Variants in PKD1L3 observed in about 807,000 individuals in gnomAD.
PKD1L3 encodes polycystin 1 like 3, transient receptor potential channel interacting, also known as polycystin-1-like protein 3.
In PKD1L3, 239 loss-of-function variants were observed where a neutral mutation model predicts 184.1. The ratio of observed to expected loss-of-function variants is 1.30; its 90% CI spans 1.17 to 1.45. The LOEUF is 1.45. PKD1L3 is among the 40% of genes most tolerant of loss of function. PKD1L3 has a pLI of 0.00. For missense variants in PKD1L3, 2,660 were observed against 2,067.2 expected, an observed-to-expected ratio of 1.29 and a Z score of -5.56; for synonymous variants, 996 against 778.8, an observed-to-expected ratio of 1.28 and a Z score of -4.64.
At chr16:71,953,978 G>T in intron 17 of PKD1L3, 127 bp downstream of exon 17, 1 of 755,206 alleles carries the variant, frequency 1.3e-6, no homozygotes. Flanking sequence ...CACTTCAGGA[G>T]GCTGAGGCAG....
intron 2 of PKD1L3, 23 bp from the exon 3 acceptor site, chr16:71,993,355 G>C: frequency 7.0e-7 from 1 of 1,435,336 alleles, no homozygotes; most frequent in Non-Finnish European, 9.5e-7. Context: ...CAACACACAA[G>C]TTAATTTATA....
chr16:71,932,756 T>C (rs939172940), intron 28 of PKD1L3, among the ~76,000 whole-genome samples: 3 of 150,546 alleles, frequency 2.0e-5, no homozygotes, highest in East Asian at 2.0e-4. Flanking sequence ...ATTAGGATTA[T>C]AGGCATGAGC....
chr16:71,961,274 C>G (rs2039267644), intron 16 of PKD1L3, among the ~76,000 whole-genome samples: 1 of 152,068 alleles, frequency 6.6e-6, no homozygotes, highest in South Asian at 2.1e-4. Context: ...AGGCGTGCAC[C>G]ACTGCGCATG....
In PKD1L3 at chr16:71,998,317, T is replaced by C. The variant is rs1263318533; in HGVS notation, c.373A>G (p.Lys125Glu). 1.3e-6 allele frequency: 2 copies of C among 1,552,096 alleles called. No individual in the cohort carries two copies. The highest frequency in any genetic ancestry group is 2.4e-5 in the East Asian group (1 of 40,940). Reference sequence around the variant, plus strand: ...TATTTCAGTAAGCACTTGTCCCCTTTGGATGAGATCCGAATGAAGTTTCTG... The same window carrying C: ...TATTTCAGTAAGCACTTGTCCCCTTCGGATGAGATCCGAATGAAGTTTCTG... ...LSRNFIRISS[K>E]GDKCLLKYYF... The change falls in exon 2 of 30, where the codon AAA becomes GAA. Residue 125 changes from lysine to glutamate, a missense_variant. By Grantham distance (56) the Lys-to-Glu change is moderately conservative (BLOSUM62 1). Transcript: ENST00000620267.
At chr16:71,981,745 G>A (rs2040166780) in intron 7 of PKD1L3, among the ~76,000 whole-genome samples, 1 of 151,908 alleles carries the variant, frequency 6.6e-6, no homozygotes, top group East Asian at 1.9e-4. Flanking sequence ...TTCGCCATGT[G>A]GGCCAGGCTG....
rs1407979943 is a variant in PKD1L3 at position 71,963,278 on chromosome 16, C to G, written c.2539G>C (p.Ala847Pro). ...KWHFLCNCWL[A>P]VDLGDCELDR... is the part of the protein sequence containing the mutation. ...AGCTCACAGTCTCCGAGGTCCACAG[C>G]CAGCCAGCAATTGCACAGGAAATGC... Residue 847 changes from alanine (A) to proline (P), a missense_variant, in exon 16 of 30, where the codon GCT (alanine) becomes CCT (proline). Transcript: ENST00000620267. The G allele has an allele frequency of 6.4e-7, 1 of 1,551,410 alleles. No individual in the cohort carries two copies. The highest frequency in any genetic ancestry group is 8.7e-7 in the Non-Finnish European group (1 of 1,146,898).
At chr16:71,998,433 A>G (rs1782306214) in intron 1 of PKD1L3, 39 bp from the exon 2 acceptor site, 1 of 1,523,204 alleles carries the variant, frequency 6.6e-7, no homozygotes. Context: ...TCATACTCGA[A>G]AGCCAGGCTT....
intron 2 of PKD1L3, among the ~76,000 whole-genome samples, chr16:71,997,750 G>C (rs2040841602): frequency 3.5e-5 from 2 of 56,428 alleles, no homozygotes; most frequent in South Asian, 6.8e-4. Context: ...CTCAGTCTTG[G>C]AAAAATAAAT....
At chr16:71,936,523 T>TTC (rs1199673576) in intron 25 of PKD1L3, among the ~76,000 whole-genome samples, 20 of 146,168 alleles carry the variant, frequency 1.4e-4, no homozygotes, top group Middle Eastern at 3.4e-3. Flanking sequence ...TTTTTTCTTT[T>TTC]TTTTTTTTTT....
chr16:71,967,997 G>A lies in PKD1L3; in HGVS notation c.2195C>T (p.Thr732Ile), dbSNP rs747458368. 6.4e-7 allele frequency: 1 copy of A among 1,551,234 alleles called. No individual in the cohort carries two copies. Among genetic ancestry groups the A allele is most frequent in the South Asian group, 1.2e-5 (1 of 84,048 alleles). ...DQADMQKVKV[T>I]VLADNDPSAQ... ...GCTGGGGTCATTATCAGCCAGGACA[G>A]TGACCTTCACCTGCAAGAAAAGCAG... The change falls in exon 14 of 30, where the codon ACT becomes ATT. Residue 732 changes from threonine (T) to isoleucine (I), a missense_variant. Physicochemically the swap from Thr to Ile is moderately conservative, Grantham distance 89. Coordinates refer to ENST00000620267, the MANE Select transcript of PKD1L3 (RefSeq NM_181536.2).
intron 10 of PKD1L3, 35 bp downstream of exon 10, chr16:71,978,220 C>G (rs1567537460): frequency 1.3e-6 from 2 of 1,533,278 alleles, no homozygotes; most frequent in Non-Finnish European, 8.8e-7. Flanking sequence ...ATATCCCATT[C>G]TCTTCTATTT....
Position 71,945,390 on chromosome 16 carries a change from A to ATT in PKD1L3, c.3719-1221_3719-1220insAA, listed in dbSNP as rs1567498747. Among the ~76,000 whole-genome samples, 426 of 94,214 alleles carry ATT rather than the reference A, an allele frequency of 4.5e-3. 7 individuals carry two copies. Among genetic ancestry groups the ATT allele is most frequent in the African/African-American group, 0.012 (287 of 24,094 alleles). The allele number at this position is 94,214 out of a possible 152,430, so 61.8% of individuals were successfully genotyped here. On this transcript the variant is annotated intron_variant, in intron 22 of 29. Coordinates refer to ENST00000620267, the MANE Select transcript of PKD1L3 (RefSeq NM_181536.2). ...TACACACACGCACACACACATATAT[A>ATT]TATATATATTTATTTATTTATTTAT...
chr16:71,996,495 C>T (rs938605179), intron 2 of PKD1L3, among the ~76,000 whole-genome samples: 4 of 152,020 alleles, frequency 2.6e-5, no homozygotes, highest in Non-Finnish European at 4.4e-5. Flanking sequence ...CTCTTTACCT[C>T]GTGATCCACC....
chr16:71,980,193 A>G, intron 7 of PKD1L3, 59 bp from the exon 8 acceptor site: 1 of 1,517,620 alleles, frequency 6.6e-7, no homozygotes, highest in Non-Finnish European at 8.9e-7. Flanking sequence ...ATGTTAGTAA[A>G]ATAATGTTTT....
chr16:71,973,663 G>GGATTGTATCACTGGTCATT, intron 11 of PKD1L3, 146 bp from the exon 12 acceptor site: 1 of 807,428 alleles, frequency 1.2e-6, no homozygotes, highest in Non-Finnish European at 1.9e-6. Flanking sequence ...AAAATGACCA[G>GGATTGTATCACTGGTCATT]TGATACAACC....
At position 71,983,385 on chromosome 16, in the gene PKD1L3, T is replaced by C. The variant is rs183492771; in HGVS notation, c.966+651A>G. On this transcript the variant is annotated intron_variant, in intron 6 of 29. Coordinates refer to ENST00000620267, the MANE Select transcript of PKD1L3 (RefSeq NM_181536.2). The stretch of plus-strand genomic sequence containing the variant: ...TGGTCTCGAACTCCTGGGCTCAAGC[T>C]ATCCGCCTGATTCAGCCTCCCAAAG... 2.6e-5 allele frequency among the ~76,000 whole-genome samples: 4 copies of C among 151,944 alleles called. No individual in the cohort carries two copies. In the East Asian group the frequency reaches 7.8e-4, roughly 30 times the overall value.
chr16:71,987,558 A>T (rs903852243), intron 4 of PKD1L3, among the ~76,000 whole-genome samples: 3 of 151,954 alleles, frequency 2.0e-5, no homozygotes, highest in Non-Finnish European at 2.9e-5. Context: ...TTTTTAGTAG[A>T]GACAGGGTTT....
At chr16:71,945,424 T>A (rs1440374993) in intron 22 of PKD1L3, among the ~76,000 whole-genome samples, 2 of 145,326 alleles carry the variant, frequency 1.4e-5, no homozygotes, top group African/African-American at 2.5e-5. Context: ...ATTTATTTAT[T>A]TATATATGTA....
intron 9 of PKD1L3, among the ~76,000 whole-genome samples, chr16:71,978,913 C>T (rs973337633): frequency 6.6e-6 from 1 of 152,040 alleles, no homozygotes; most frequent in Non-Finnish European, 1.5e-5. Flanking sequence ...CCATTTATAA[C>T]CTCTATGAGA....
Sources: gnomAD v4.1 joint callset for allele counts (sites outside exome capture counted in the v4.1 genomes callset) on GRCh38, gnomAD v4.1.1 for gene constraint, MANE v1.5 for transcripts, NCBI Gene and HGNC (gene_info 2026-07-23, HGNC 2026-07-21) for gene names.